Variants in RNF170 observed in about 807,000 individuals in gnomAD.
RNF170 encodes ring finger protein 170, also known as E3 ubiquitin-protein ligase RNF170.
In RNF170, 12 loss-of-function variants were observed where a neutral mutation model predicts 32.7. That is an observed-to-expected ratio of 0.37 (90% confidence interval 0.24 to 0.60). The LOEUF is 0.60. RNF170 is among the 20% of genes least tolerant of loss of function. The pLI, the probability that RNF170 is intolerant of heterozygous loss-of-function variation, is 0.72. For missense variants in RNF170, 212 were observed against 311.2 expected (o/e 0.68, Z 2.40); for synonymous variants, 91 against 103.6 (o/e 0.88, Z 0.74).
At chr8:42,868,019 T>C (rs1178865438) in intron 4 of RNF170, among the ~76,000 whole-genome samples, 1 of 152,178 alleles carries the variant, frequency 6.6e-6, no homozygotes, top group African/African-American at 2.4e-5. Context: ...CCTTCTATGA[T>C]GCCCGTTTAA....
At position 42,861,729 on chromosome 8, in the gene RNF170, C is replaced by T; in HGVS notation, c.507+16G>A. 1 of 1,558,064 alleles carries T rather than the reference C, an allele frequency of 6.4e-7. No individual in the cohort carries two copies. The highest frequency in any genetic ancestry group is 8.9e-7 in the Non-Finnish European group (1 of 1,129,374). On this transcript the variant is annotated intron_variant, in intron 6 of 6. Transcript: ENST00000527424. ...GTGTCTTCCTCTAACTTTGAACATG[C>T]TTTAGCATTACTTACAGATCTGGGT...
At chr8:42,894,037 C>T (rs1401681375) in intron 1 of RNF170, among the ~76,000 whole-genome samples, 1 of 152,216 alleles carries the variant, frequency 6.6e-6, no homozygotes, top group Non-Finnish European at 1.5e-5. Context: ...AATTCCGGGA[C>T]TTCCTGGAAC....
At chr8:42,865,350 AC>A (rs1162007645) in intron 5 of RNF170, 65 bp downstream of exon 5, 60 of 1,275,862 alleles carry the variant, frequency 4.7e-5, no homozygotes, top group Non-Finnish European at 6.6e-5. Context: ...AAATGTAGAT[AC>A]AAAAACTATA....
chr8:42,880,421 A>C (rs1025129599), intron 2 of RNF170, among the ~76,000 whole-genome samples: 8 of 152,334 alleles, frequency 5.3e-5, no homozygotes, highest in Middle Eastern at 3.4e-3. Flanking sequence ...CATACAGAGA[A>C]ATCTTTTGTG....
chr8:42,866,490 A>G (rs753277470), intron 4 of RNF170, among the ~76,000 whole-genome samples: 1 of 151,812 alleles, frequency 6.6e-6, no homozygotes, highest in African/African-American at 2.4e-5. Flanking sequence ...GGCTGAGGCA[A>G]GGAGAATCGC....
Position 42,896,601 on chromosome 8 carries a change from A to AGTGCGG in RNF170, c.-126_-125insCCGCAC, listed in dbSNP as rs1806924218. 2.2e-6 allele frequency: 1 copy of AGTGCGG among 453,552 alleles called. No homozygotes were observed. Among genetic ancestry groups the AGTGCGG allele is most frequent in the Non-Finnish European group, 4.4e-6 (1 of 226,616 alleles). The allele number at this position is 453,552 out of a possible 1,614,324, so 28.1% of individuals were successfully genotyped here. A position where few individuals can be genotyped will look rare whatever the true frequency, so the allele number is the denominator to read the frequency against. On this transcript the variant is annotated 5_prime_UTR_variant, in exon 1 of 7. Transcript: ENST00000527424. ...ACTAGACGTCCCCTTTCTAATTTGG[A>AGTGCGG]GTGCGGGTGCGGGCGCACGCGCACT...
At position 42,854,462 on chromosome 8, in the gene RNF170, C is replaced by G; in HGVS notation, c.*1697G>C. On this transcript the variant is annotated 3_prime_UTR_variant, in exon 7 of 7. Coordinates refer to ENST00000527424, the MANE Select transcript of RNF170 (RefSeq NM_030954.4). Reference sequence around the variant, plus strand: ...GTCCTGCGTTCCTCACAAAATTATCCAAAGGATAAAATGAAAAGTATGTGA... The same window carrying G: ...GTCCTGCGTTCCTCACAAAATTATCGAAAGGATAAAATGAAAAGTATGTGA... 7.8e-7 allele frequency: 1 copy of G among 1,286,668 alleles called. No individual in the cohort carries two copies. The highest frequency in any genetic ancestry group is 1.2e-5 in the South Asian group (1 of 80,916). 79.7% of individuals were successfully genotyped at this position (1,286,668 alleles called of 1,614,324 possible). A position where few individuals can be genotyped will look rare whatever the true frequency, so the allele number is the denominator to read the frequency against.
upstream of RNF170, chr8:42,896,859 A>G (rs1040162085): frequency 3.6e-6 from 1 of 280,240 alleles, no homozygotes; most frequent in Non-Finnish European, 6.6e-6. Flanking sequence ...GGCGCTGGGG[A>G]GGAGCGGTGT....
At chr8:42,877,208 G>A (rs145626926) in intron 2 of RNF170, among the ~76,000 whole-genome samples, 2,189 of 151,882 alleles carry the variant, frequency 0.014, 63 homozygotes, top group African/African-American at 0.05. Context: ...TTACAGGCGT[G>A]AGCCACTGCG....
chr8:42,866,086 T>C (rs1187134473), intron 4 of RNF170, among the ~76,000 whole-genome samples: 1 of 152,234 alleles, frequency 6.6e-6, no homozygotes, highest in Non-Finnish European at 1.5e-5. Flanking sequence ...TTATATTTCC[T>C]ATGTGATATA....
At chr8:42,895,755 C>T (rs1343335746) in intron 1 of RNF170, among the ~76,000 whole-genome samples, 2 of 152,194 alleles carry the variant, frequency 1.3e-5, no homozygotes, top group South Asian at 4.1e-4. Context: ...AAACAACACA[C>T]TGTGATCCAC....
rs1803206767 is a variant in RNF170, at chr8:42,855,790, G to A, written c.*369C>T. On this transcript the variant is annotated 3_prime_UTR_variant, in exon 7 of 7. Coordinates refer to ENST00000527424, the MANE Select transcript of RNF170 (RefSeq NM_030954.4). ...TATCATATAGGTACCTGCTGAGAAG[G>A]ATAAGATGGATAAACTGACATTTAA... The A allele has an allele frequency of 1.6e-6, 2 of 1,244,548 alleles. No homozygotes were observed. The allele number at this position is 1,244,548 out of a possible 1,614,324, so 77.1% of individuals were successfully genotyped here. A position where few individuals can be genotyped will look rare whatever the true frequency, so the allele number is the denominator to read the frequency against.
chr8:42,861,706 G>A (rs1310335646), intron 6 of RNF170, 39 bp downstream of exon 6: 2 of 1,442,624 alleles, frequency 1.4e-6, no homozygotes, highest in African/African-American at 1.4e-5. Context: ...GAAGAAATGT[G>A]TCTTCCTCTA....
chr8:42,850,550 C>T, downstream of RNF170: 1 of 555,428 alleles, frequency 1.8e-6, no homozygotes, highest in Non-Finnish European at 3.2e-6. Flanking sequence ...ACTGTGGTGG[C>T]AGGCATAATG....
upstream of RNF170, chr8:42,896,876 C>T: frequency 3.1e-6 from 1 of 325,362 alleles, no homozygotes; most frequent in Non-Finnish European, 5.6e-6. Flanking sequence ...GTGTGGGCGG[C>T]CGGGGGCGGG....
At chr8:42,864,982 C>T (rs906626615) in intron 5 of RNF170, among the ~76,000 whole-genome samples, 3 of 150,314 alleles carry the variant, frequency 2.0e-5, no homozygotes, top group Admixed American at 1.3e-4. Flanking sequence ...GTGGGCTGGG[C>T]GTGGTATCTC....
At chr8:42,895,308 C>A (rs926553862) in intron 1 of RNF170, among the ~76,000 whole-genome samples, 4 of 152,186 alleles carry the variant, frequency 2.6e-5, no homozygotes, top group Middle Eastern at 3.4e-3. Flanking sequence ...TTCTCAAAAA[C>A]CACCATCAAC....
chr8:42,897,118 C>T (rs779657271), upstream of RNF170: 9 of 1,243,362 alleles, frequency 7.2e-6, no homozygotes, highest in Non-Finnish European at 9.1e-6. Context: ...CGCTGCCTGG[C>T]CGCGGCGGGG....
chr8:42,855,954 T>C lies in RNF170; in HGVS notation c.*205A>G. The stretch of plus-strand genomic sequence containing the variant: ...ATACAACTGTAGATCATTATAATTC[T>C]AAACTTAATATTAGAACTTCAAACA... On this transcript the variant is annotated 3_prime_UTR_variant, in exon 7 of 7. Coordinates refer to ENST00000527424, the MANE Select transcript of RNF170 (RefSeq NM_030954.4). 7.2e-7 allele frequency: 1 copy of C among 1,381,094 alleles called. No homozygotes were observed. Among genetic ancestry groups the C allele is most frequent in the Non-Finnish European group, 9.6e-7 (1 of 1,039,230 alleles). 85.6% of individuals were successfully genotyped at this position (1,381,094 alleles called of 1,614,324 possible).
Sources: gnomAD v4.1 joint callset for allele counts (sites outside exome capture counted in the v4.1 genomes callset) on GRCh38, gnomAD v4.1.1 for gene constraint, MANE v1.5 for transcripts, NCBI Gene and HGNC (gene_info 2026-07-23, HGNC 2026-07-21) for gene names.